The following PCCA variants were observed in gnomAD, a reference collection of about 807,000 sequenced individuals.
The protein encoded by PCCA is propionyl-CoA carboxylase subunit alpha.
In PCCA, 74 loss-of-function variants were observed where a neutral mutation model predicts 101.3. The observed-to-expected ratio is 0.73, with a 90% confidence interval of 0.61 to 0.89. The LOEUF (loss-of-function observed/expected upper bound fraction) is 0.89, where lower values mean the gene tolerates loss of function less well. PCCA is among the 40% of genes least tolerant of loss of function. The pLI, the probability that PCCA is intolerant of heterozygous loss-of-function variation, is 0.00. For missense variants in PCCA, 891 were observed against 907.0 expected (o/e 0.98, Z 0.23); for synonymous variants, 294 against 313.6 (o/e 0.94, Z 0.66).
intron 20 of PCCA, among the ~76,000 whole-genome samples, chr13:100,438,761 G>A (rs2080126743): frequency 6.6e-6 from 1 of 151,546 alleles, no homozygotes; most frequent in Admixed American, 6.6e-5. Flanking sequence ...AACAAATTGA[G>A]TTTCTTTGCC....
At chr13:100,299,705 G>A (rs1260781882) in intron 12 of PCCA, among the ~76,000 whole-genome samples, 1 of 152,098 alleles carries the variant, frequency 6.6e-6, no homozygotes, top group Non-Finnish European at 1.5e-5. Context: ...CACTTGGCAC[G>A]TGGTAGGTTC....
At chr13:100,197,537 C>T (rs2058192478) in intron 6 of PCCA, among the ~76,000 whole-genome samples, 1 of 152,088 alleles carries the variant, frequency 6.6e-6, no homozygotes, top group Non-Finnish European at 1.5e-5. Context: ...CTCTGTCTCC[C>T]AGGTTCAATA....
Position 100,449,280 on chromosome 13 carries a change from T to A in PCCA, c.1874T>A (p.Met625Lys). The change falls in exon 21 of 24, where the codon ATG (methionine) becomes AAG (lysine). Residue 625 changes from methionine to lysine, a missense_variant. Met to Lys is a moderately conservative substitution (Grantham distance 95). Transcript: ENST00000376285. ...QCLSREAGGN[M>K]SIQFLGTVYK... ...CTTTCTCGAGAAGCAGGTGGAAACATGAGCATTCAGTTTCTTGGTACAGTG... is the reference window on the plus strand; with the variant it reads ...CTTTCTCGAGAAGCAGGTGGAAACAAGAGCATTCAGTTTCTTGGTACAGTG... 6.5e-7 allele frequency: 1 copy of A among 1,541,488 alleles called. No individual in the cohort carries two copies. The highest frequency in any genetic ancestry group is 8.8e-7 in the Non-Finnish European group (1 of 1,138,024).
intron 23 of PCCA, 78 bp from the exon 24 acceptor site, chr13:100,530,020 G>T: frequency 9.0e-7 from 1 of 1,115,280 alleles, no homozygotes; most frequent in Middle Eastern, 2.0e-4. Flanking sequence ...TTTTAGAAAT[G>T]GATTAGGAGC....
chr13:100,339,997 C>T (rs185065554), intron 17 of PCCA, among the ~76,000 whole-genome samples, 160 bp from the exon 18 acceptor site: 40 of 152,284 alleles, frequency 2.6e-4, no homozygotes, highest in Admixed American at 2.0e-4. Flanking sequence ...AATGGTCTTG[C>T]TTCCTCAATG....
At chr13:100,451,931 C>T (rs1261597206) in intron 21 of PCCA, among the ~76,000 whole-genome samples, 1 of 2,878 alleles carries the variant, frequency 3.5e-4, no homozygotes, top group Non-Finnish European at 9.1e-4. Flanking sequence ...TCTCTCCTCT[C>T]CCTCTCTCTC....
intron 20 of PCCA, among the ~76,000 whole-genome samples, chr13:100,440,326 A>G (rs1043999112): frequency 9.3e-5 from 14 of 150,926 alleles, no homozygotes; most frequent in Non-Finnish European, 1.9e-4. Flanking sequence ...TATCTGTAGT[A>G]TATATACAAA....
intron 6 of PCCA, among the ~76,000 whole-genome samples, chr13:100,176,412 A>G (rs1018367645): frequency 6.6e-6 from 1 of 152,246 alleles, no homozygotes; most frequent in East Asian, 1.9e-4. Flanking sequence ...AATTCTTTAT[A>G]CATTTTAAGT....
intron 7 of PCCA, among the ~76,000 whole-genome samples, chr13:100,210,673 A>G (rs1269747068): frequency 2.6e-5 from 4 of 152,194 alleles, no homozygotes; most frequent in Non-Finnish European, 5.9e-5. Flanking sequence ...GTTTTTTTCT[A>G]GTTAGAAGAG....
intron 20 of PCCA, among the ~76,000 whole-genome samples, chr13:100,440,813 A>C (rs1366073642): frequency 2.0e-5 from 3 of 152,098 alleles, no homozygotes; most frequent in Non-Finnish European, 2.9e-5. Context: ...AGAGGTTGGT[A>C]TTTTTCGAAT....
At chr13:100,417,199 G>A (rs937810861) in intron 19 of PCCA, among the ~76,000 whole-genome samples, 2 of 152,208 alleles carry the variant, frequency 1.3e-5, no homozygotes, top group Admixed American at 6.5e-5. Flanking sequence ...GTTTGGTTAA[G>A]CTGGGGAAAG....
chr13:100,475,489 G>A lies in PCCA; in HGVS notation c.1899+26184G>A, dbSNP rs183248097. ...TAGCACATGCCAGTACATCATTCCT[G>A]TGTATGGGCAAATAACATCCCATTG... On this transcript the variant is annotated intron_variant, in intron 21 of 23. Coordinates refer to ENST00000376285, the MANE Select transcript of PCCA (RefSeq NM_000282.4). Among the ~76,000 whole-genome samples, 226 of 152,244 alleles carry A rather than the reference G, an allele frequency of 1.5e-3. 2 individuals carry two copies. The highest frequency in any genetic ancestry group is 3.4e-3 in the Middle Eastern group (1 of 294).
intron 7 of PCCA, among the ~76,000 whole-genome samples, chr13:100,234,915 C>CA (rs58784369): frequency 0.051 from 7,618 of 150,384 alleles, 632 homozygotes; most frequent in African/African-American, 0.17. Context: ...ACACACACAC[C>CA]CCACACATAC....
At chr13:100,217,184 C>T (rs1253772973) in intron 7 of PCCA, among the ~76,000 whole-genome samples, 5 of 149,012 alleles carry the variant, frequency 3.4e-5, no homozygotes, top group Non-Finnish European at 7.4e-5. Context: ...CAGTGGCTTA[C>T]GCCTGTAATC....
intron 6 of PCCA, among the ~76,000 whole-genome samples, chr13:100,197,932 T>G (rs2058219224): frequency 6.6e-6 from 1 of 152,100 alleles, no homozygotes; most frequent in Non-Finnish European, 1.5e-5. Flanking sequence ...AAAGTCTGAG[T>G]AATATTGCGT....
At chr13:100,283,953 C>T (rs551477656) in intron 12 of PCCA, among the ~76,000 whole-genome samples, 2 of 152,322 alleles carry the variant, frequency 1.3e-5, no homozygotes, top group Admixed American at 1.3e-4. Flanking sequence ...CAGAAGCCCC[C>T]AACCAGATGA....
chr13:100,434,430 G>C (rs767167109), intron 20 of PCCA, among the ~76,000 whole-genome samples: 8 of 152,082 alleles, frequency 5.3e-5, no homozygotes, highest in Non-Finnish European at 1.0e-4. Context: ...TTTGCAGTAT[G>C]GGGTAAAGAT....
intron 19 of PCCA, among the ~76,000 whole-genome samples, chr13:100,402,539 G>C (rs1289978513): frequency 6.6e-6 from 1 of 152,050 alleles, no homozygotes; most frequent in African/African-American, 2.4e-5. Context: ...TCTTCATGAG[G>C]GCCATGAAGG....
intron 19 of PCCA, among the ~76,000 whole-genome samples, chr13:100,392,499 A>AT (rs1373768443): frequency 6.6e-6 from 1 of 152,132 alleles, no homozygotes; most frequent in African/African-American, 2.4e-5. Flanking sequence ...AAGCATAGGC[A>AT]TTTTTTACTC....
Sources: gnomAD v4.1 joint callset for allele counts (sites outside exome capture counted in the v4.1 genomes callset) on GRCh38, gnomAD v4.1.1 for gene constraint, MANE v1.5 for transcripts, NCBI Gene and HGNC (gene_info 2026-07-23, HGNC 2026-07-21) for gene names.